HS6ST3: variants seen among roughly 807,000 people sequenced by gnomAD.
HS6ST3 encodes the protein heparan-sulfate 6-O-sulfotransferase 3.
A neutral mutation model predicts 36.7 loss-of-function variants in HS6ST3; 12 were observed. The ratio of observed to expected loss-of-function variants is 0.33; its 90% CI spans 0.21 to 0.53. The LOEUF (loss-of-function observed/expected upper bound fraction) is 0.53, where lower values mean the gene tolerates loss of function less well. Ranked by LOEUF, HS6ST3 falls within the 20% of genes least tolerant of loss-of-function variation. The pLI is 0.95. For missense variants in HS6ST3, 584 were observed against 640.9 expected (o/e 0.91, Z 0.96); for synonymous variants, 240 against 257.5 (o/e 0.93, Z 0.65).
chr13:96,272,360 A>G (rs2054725518), intron 1 of HS6ST3, among the ~76,000 whole-genome samples: 1 of 152,036 alleles, frequency 6.6e-6, no homozygotes, highest in African/African-American at 2.4e-5. Context: ...ATATTCTGTG[A>G]GAGAAAATGC....
rs970575927 is a variant in HS6ST3, at chr13:96,440,631, A to T, written c.707+349062A>T. On this transcript the variant is annotated intron_variant, in intron 1 of 1. Transcript: ENST00000376705. ...GAAGAAATAAAACTGGTATCATCAC[A>T]TAAAAGTGAAGAGAAGGGGAGGGGG... Among the ~76,000 whole-genome samples the T allele has an allele frequency of 7.5e-4, 61 of 81,670 alleles. 1 individual carries two copies. The highest frequency in any genetic ancestry group is 9.4e-5 in the Non-Finnish European group (4 of 42,432). 53.6% of individuals were successfully genotyped at this position (81,670 alleles called of 152,430 possible).
At chr13:96,791,450 G>A (rs1877791973) in intron 1 of HS6ST3, among the ~76,000 whole-genome samples, 1 of 151,888 alleles carries the variant, frequency 6.6e-6, no homozygotes. Flanking sequence ...GTCCCTCTGA[G>A]CCCAGATGTA....
intron 1 of HS6ST3, among the ~76,000 whole-genome samples, chr13:96,205,699 C>G (rs1489167838): frequency 6.6e-6 from 1 of 152,100 alleles, no homozygotes; most frequent in Admixed American, 6.6e-5. Context: ...TGTGACTCAT[C>G]ATATAAACAG....
chr13:96,552,624 G>A (rs140808659), intron 1 of HS6ST3, among the ~76,000 whole-genome samples: 1 of 152,310 alleles, frequency 6.6e-6, no homozygotes, highest in Non-Finnish European at 1.5e-5. Flanking sequence ...GCAAGAGCTA[G>A]CACAGGGAGA....
At chr13:96,307,962 A>ACTTCCATCAGTTGT (rs2054921903) in intron 1 of HS6ST3, among the ~76,000 whole-genome samples, 1 of 152,072 alleles carries the variant, frequency 6.6e-6, no homozygotes, top group African/African-American at 2.4e-5. Context: ...TTGTTGAGAA[A>ACTTCCATCAGTTGT]TGAAGAACTA....
intron 1 of HS6ST3, among the ~76,000 whole-genome samples, chr13:96,208,459 T>A (rs1037662849): frequency 1.3e-5 from 2 of 152,034 alleles, no homozygotes; most frequent in Non-Finnish European, 2.9e-5. Flanking sequence ...AGATGGGGGG[T>A]TGCCAGAAAT....
intron 1 of HS6ST3, among the ~76,000 whole-genome samples, chr13:96,130,305 AC>A (rs1384956798): frequency 4.6e-5 from 7 of 152,102 alleles, no homozygotes; most frequent in East Asian, 3.9e-4. Context: ...GGTGGCTGTC[AC>A]CCTCCCCTGA....
chr13:96,435,502 C>A (rs1566360307), intron 1 of HS6ST3, among the ~76,000 whole-genome samples: 1 of 152,150 alleles, frequency 6.6e-6, no homozygotes, highest in Non-Finnish European at 1.5e-5. Flanking sequence ...TGCTCCTTTC[C>A]CCATTTATTC....
chr13:96,230,323 C>T (rs1003054718), intron 1 of HS6ST3, among the ~76,000 whole-genome samples: 4 of 152,066 alleles, frequency 2.6e-5, no homozygotes, highest in South Asian at 2.1e-4. Flanking sequence ...AGGCTTGGAA[C>T]GGAGAGGGTA....
chr13:96,593,424 G>A (rs1184447468), intron 1 of HS6ST3, among the ~76,000 whole-genome samples: 1 of 151,080 alleles, frequency 6.6e-6, no homozygotes, highest in Non-Finnish European at 1.5e-5. Context: ...TTGAATTACT[G>A]ACCTCAAGTG....
intron 1 of HS6ST3, among the ~76,000 whole-genome samples, chr13:96,389,525 A>C (rs919283890): frequency 1.3e-5 from 2 of 152,262 alleles, no homozygotes; most frequent in Non-Finnish European, 2.9e-5. Context: ...TCTCTGTATC[A>C]AACACACTGA....
chr13:96,325,605 C>A (rs992241780), intron 1 of HS6ST3, among the ~76,000 whole-genome samples: 3 of 151,544 alleles, frequency 2.0e-5, no homozygotes, highest in African/African-American at 7.3e-5. Flanking sequence ...AATCCTATGC[C>A]ATTTTCTGTC....
At chr13:96,554,833 C>CT (rs1000539888) in intron 1 of HS6ST3, among the ~76,000 whole-genome samples, 19 of 151,992 alleles carry the variant, frequency 1.3e-4, no homozygotes, top group African/African-American at 4.6e-4. Context: ...CTTTGGGAGG[C>CT]TGAAGCAGGT....
At chr13:96,683,465 G>A (rs2056725060) in intron 1 of HS6ST3, among the ~76,000 whole-genome samples, 1 of 152,044 alleles carries the variant, frequency 6.6e-6, no homozygotes, top group South Asian at 2.1e-4. Context: ...GTAAGAGCAT[G>A]CATACTAGCA....
chr13:96,446,801 T>C (rs1339761961), intron 1 of HS6ST3, among the ~76,000 whole-genome samples: 1 of 152,180 alleles, frequency 6.6e-6, no homozygotes, highest in East Asian at 1.9e-4. Flanking sequence ...ATTCTATAGC[T>C]ATGTAAAGAA....
At chr13:96,518,915 A>G (rs1594798584) in intron 1 of HS6ST3, among the ~76,000 whole-genome samples, 1 of 152,296 alleles carries the variant, frequency 6.6e-6, no homozygotes, top group East Asian at 1.9e-4. Flanking sequence ...ACTTATTTCT[A>G]AAAACTACAG....
chr13:96,477,160 CACT>C (rs1373647752), intron 1 of HS6ST3, among the ~76,000 whole-genome samples: 2 of 152,142 alleles, frequency 1.3e-5, no homozygotes, highest in African/African-American at 4.8e-5. Flanking sequence ...CTCTACCTAG[CACT>C]AGCTGTAAGA....
At chr13:96,615,056 A>G (rs1259035021) in intron 1 of HS6ST3, among the ~76,000 whole-genome samples, 1 of 152,194 alleles carries the variant, frequency 6.6e-6, no homozygotes, top group Non-Finnish European at 1.5e-5. Flanking sequence ...AAAATTTTAT[A>G]TAATAACTCA....
chr13:96,165,572 G>T (rs1288913951), intron 1 of HS6ST3, among the ~76,000 whole-genome samples: 1 of 152,188 alleles, frequency 6.6e-6, no homozygotes, highest in Non-Finnish European at 1.5e-5. Context: ...AGTAGCTCTT[G>T]TTCCTCCTAC....
Sources: allele counts gnomAD v4.1 joint callset (sites outside exome capture counted in the v4.1 genomes callset), GRCh38; gene constraint gnomAD v4.1.1; transcripts MANE v1.5; gene names NCBI Gene and HGNC (gene_info 2026-07-23, HGNC 2026-07-21).